BMAL1: variants seen among roughly 807,000 people sequenced by gnomAD.
The protein encoded by BMAL1 is basic helix-loop-helix ARNT like 1, also known as basic helix-loop-helix ARNT-like protein 1.
At chr11:13,366,646 T>G in the BMAL1 span, 2 of 1,594,296 alleles carry the variant, frequency 1.3e-6, no homozygotes, top group African/African-American at 2.7e-5. Flanking sequence ...TTGTCATGTT[T>G]AACATTTCAT....
At chr11:13,375,168 T>G in the BMAL1 span, among the ~76,000 whole-genome samples, 1 of 152,230 alleles carries the variant, frequency 6.6e-6, no homozygotes, top group Admixed American at 6.5e-5. Flanking sequence ...GAAGGGCTCA[T>G]TACATGTTAC....
the BMAL1 span, among the ~76,000 whole-genome samples, chr11:13,349,446 A>C: frequency 6.6e-6 from 1 of 152,040 alleles, no homozygotes; most frequent in Non-Finnish European, 1.5e-5. Flanking sequence ...TAGTTTCTCC[A>C]CCTCTCTGTG....
the BMAL1 span, among the ~76,000 whole-genome samples, chr11:13,302,275 GCAGC>G: frequency 3.9e-5 from 6 of 152,178 alleles, no homozygotes. Context: ...CGGGAGAGGG[GCAGC>G]AGGGTGACCC....
chr11:13,338,473 C>G, the BMAL1 span, among the ~76,000 whole-genome samples: 1 of 152,150 alleles, frequency 6.6e-6, no homozygotes, highest in African/African-American at 2.4e-5. Flanking sequence ...TTTAGTTAAC[C>G]CATTGAACAG....
chr11:13,355,087 T>C, the BMAL1 span: 1 of 656,864 alleles, frequency 1.5e-6, no homozygotes, highest in South Asian at 1.9e-5. Flanking sequence ...GTGTAGAATA[T>C]TCAAAGGCAC....
the BMAL1 span, among the ~76,000 whole-genome samples, chr11:13,284,210 G>A: frequency 0.46 from 9,033 of 19,818 alleles, 1,687 homozygotes; most frequent in East Asian, 0.62. Context: ...ATATATATAT[G>A]TGTATATATA....
the BMAL1 span, among the ~76,000 whole-genome samples, chr11:13,371,277 C>CT: frequency 1.3e-5 from 2 of 152,164 alleles, no homozygotes; most frequent in Admixed American, 1.3e-4. Flanking sequence ...CTCTTCTAGT[C>CT]TGTTTTCTTT....
At chr11:13,372,526 A>G in the BMAL1 span, 5 of 1,481,432 alleles carry the variant, frequency 3.4e-6, no homozygotes, top group South Asian at 5.4e-5. Flanking sequence ...AAAGAAAGAA[A>G]AAGCTGGGTG....
chr11:13,348,807 T>C, the BMAL1 span, among the ~76,000 whole-genome samples: 4 of 152,150 alleles, frequency 2.6e-5, no homozygotes, highest in Non-Finnish European at 4.4e-5. Context: ...AATGAATGCC[T>C]TGGGAGGCTG....
the BMAL1 span, among the ~76,000 whole-genome samples, chr11:13,361,302 A>G: frequency 6.6e-6 from 1 of 152,316 alleles, no homozygotes; most frequent in East Asian, 1.9e-4. Flanking sequence ...TTGTGTTACT[A>G]GGTAAAGTGA....
chr11:13,340,706 C>T, the BMAL1 span, among the ~76,000 whole-genome samples: 1 of 152,112 alleles, frequency 6.6e-6, no homozygotes, highest in Non-Finnish European at 1.5e-5. Context: ...CCTTCATGTC[C>T]TCTTGCCACC....
the BMAL1 span, chr11:13,378,782 T>C: frequency 6.1e-4 from 172 of 280,810 alleles, no homozygotes; most frequent in African/African-American, 3.6e-3. Flanking sequence ...AACTTTCTTA[T>C]GGCTCAAGGA....
At chr11:13,331,012 G>T in the BMAL1 span, among the ~76,000 whole-genome samples, 1 of 152,278 alleles carries the variant, frequency 6.6e-6, no homozygotes, top group South Asian at 2.1e-4. Context: ...AGAGGCCTAG[G>T]CAAGGGAGTG....
chr11:13,376,290 G>T, the BMAL1 span, among the ~76,000 whole-genome samples: 5 of 152,196 alleles, frequency 3.3e-5, no homozygotes, highest in Admixed American at 6.5e-5. Context: ...CTTCCCCATA[G>T]TGTCCAAAAC....
the BMAL1 span, among the ~76,000 whole-genome samples, chr11:13,339,837 T>C: frequency 6.6e-6 from 1 of 152,086 alleles, no homozygotes; most frequent in Non-Finnish European, 1.5e-5. Flanking sequence ...ATAACTTACT[T>C]GTTTCGTTTG....
At chr11:13,298,217 G>T in the BMAL1 span, among the ~76,000 whole-genome samples, 15 of 152,084 alleles carry the variant, frequency 9.9e-5, no homozygotes, top group African/African-American at 1.7e-4. Context: ...TCCTACCTGC[G>T]CCTCTCTAGC....
chr11:13,373,928 AAGAG>A, the BMAL1 span, among the ~76,000 whole-genome samples: 2 of 148,038 alleles, frequency 1.4e-5, no homozygotes, highest in East Asian at 1.9e-4. Flanking sequence ...GCCTGAAAAA[AAGAG>A]AGAAAGATCC....
chr11:13,385,672 C>T, the BMAL1 span: 18 of 1,580,634 alleles, frequency 1.1e-5, no homozygotes, highest in African/African-American at 1.9e-4. Context: ...TTCACACTTC[C>T]CTCCTTTTGT....
chr11:13,366,724 C>T, the BMAL1 span: 1 of 1,614,138 alleles, frequency 6.2e-7, no homozygotes, highest in Non-Finnish European at 8.5e-7. Context: ...TTGCCAAAGT[C>T]AAGGAGCAGC....
Sources: allele counts gnomAD v4.1 joint callset (sites outside exome capture counted in the v4.1 genomes callset), GRCh38; gene constraint gnomAD v4.1.1; transcripts MANE v1.5; gene names NCBI Gene and HGNC (gene_info 2026-07-23, HGNC 2026-07-21).